RELL1: variants seen among roughly 807,000 people sequenced by gnomAD.
RELL1 encodes RELT-like protein 1.
A neutral mutation model predicts 23.0 loss-of-function variants in RELL1; 10 were observed. That is an observed-to-expected ratio of 0.43 (90% CI 0.27 to 0.74). The LOEUF (loss-of-function observed/expected upper bound fraction) is 0.74. RELL1 is among the 30% of genes least tolerant of loss of function. The pLI is 0.19. For missense variants in RELL1, 315 were observed against 364.4 expected (o/e 0.86, Z 1.10); for synonymous variants, 146 against 146.8 (o/e 0.99, Z 0.04).
downstream of RELL1, among the ~76,000 whole-genome samples, chr4:37,606,165 GAAA>G (rs897154343): frequency 7.4e-6 from 1 of 135,210 alleles, no homozygotes; most frequent in African/African-American, 2.7e-5. The surrounding 1 kb of genome is among the most constrained non-coding windows in gnomAD (Gnocchi z 4.1). Flanking sequence ...AGAAAAGAAA[GAAA>G]AAAAGGAGAA....
intron 5 of RELL1, among the ~76,000 whole-genome samples, chr4:37,633,408 CAAAAAAAAAAAAAA>C (rs57256942): frequency 1.6e-5 from 1 of 62,990 alleles, no homozygotes; most frequent in South Asian, 7.3e-4. Context: ...GACTCCACCT[CAAAAAAAAAAAAAA>C]AAAAAAAAAA....
chr4:37,623,008 T>C, intron 6 of RELL1: 1 of 358,064 alleles, frequency 2.8e-6, no homozygotes, highest in Non-Finnish European at 5.5e-6. Context: ...TTTCACCGTG[T>C]TGTCCAGGCT....
intron 1 of RELL1, among the ~76,000 whole-genome samples, chr4:37,680,931 CAAAAAAAAA>C: frequency 1.4e-5 from 1 of 73,634 alleles, no homozygotes; most frequent in East Asian, 4.9e-4. Context: ...CACTCCATCT[CAAAAAAAAA>C]AAAAAAAAAA....
At chr4:37,588,553 C>T (rs999232150), downstream of RELL1, 10 of 319,800 alleles carry the variant, frequency 3.1e-5, no homozygotes, top group Non-Finnish European at 5.3e-5. Flanking sequence ...AGCATCCTTC[C>T]ACCTTCTTCT....
intron 1 of RELL1, among the ~76,000 whole-genome samples, chr4:37,660,080 A>T (rs1438360439): frequency 6.6e-6 from 1 of 151,678 alleles, no homozygotes; most frequent in African/African-American, 2.4e-5. Flanking sequence ...ACCCATTTTT[A>T]TTTATTTATT....
chr4:37,609,473 T>C (rs1389199098), downstream of RELL1, among the ~76,000 whole-genome samples: 1 of 152,216 alleles, frequency 6.6e-6, no homozygotes, highest in Non-Finnish European at 1.5e-5. Flanking sequence ...CTGCAGCCCA[T>C]AGATTAATTC....
At chr4:37,660,995 C>G (rs1431901626) in intron 1 of RELL1, among the ~76,000 whole-genome samples, 23 of 151,212 alleles carry the variant, frequency 1.5e-4, no homozygotes, top group African/African-American at 4.6e-4. Context: ...TGTGCCACTG[C>G]ACTCCAGCCT....
At chr4:37,669,366 G>C (rs573285918) in intron 1 of RELL1, among the ~76,000 whole-genome samples, 2 of 146,672 alleles carry the variant, frequency 1.4e-5, no homozygotes, top group South Asian at 2.2e-4. Context: ...AGGTGGGGGG[G>C]TCAGTCCCCG....
intron 5 of RELL1, among the ~76,000 whole-genome samples, chr4:37,633,074 T>C (rs1332739900): frequency 4.6e-5 from 7 of 152,140 alleles, no homozygotes. Context: ...GCTCCTAGTA[T>C]CCAATATCCA....
chr4:37,622,237 T>C (rs1719792957), intron 6 of RELL1, among the ~76,000 whole-genome samples: 1 of 152,204 alleles, frequency 6.6e-6, no homozygotes, highest in African/African-American at 2.4e-5. Flanking sequence ...GTATCTATAC[T>C]CTCATTTGTA....
At position 37,610,904 on chromosome 4, in the gene RELL1, G is replaced by A. The variant is rs12142; in HGVS notation, c.*2442C>T. On this transcript the variant is annotated 3_prime_UTR_variant, in exon 7 of 7. Coordinates refer to ENST00000454158, the MANE Select transcript of RELL1 (RefSeq NM_001085400.2). The surrounding 1 kb of genome is among the most constrained non-coding windows in gnomAD (Gnocchi z 4.1). ...AAACATCAGTTGCTTTGGGAACACA[G>A]GAATTCTCATCAGATAGTTCAGTAT... Among the ~76,000 whole-genome samples the A allele has an allele frequency of 0.29, 44,371 of 152,076 alleles. 8,189 individuals are homozygous for A. Among genetic ancestry groups the A allele is most frequent in the Non-Finnish European group, 0.4 (27,348 of 67,962 alleles).
At chr4:37,623,994 TAAAAG>T (rs2109247811) in intron 6 of RELL1, among the ~76,000 whole-genome samples, 1 of 152,158 alleles carries the variant, frequency 6.6e-6, no homozygotes, top group East Asian at 1.9e-4. Context: ...GGAGAGTTAA[TAAAAG>T]AAAAGCAATT....
intron 6 of RELL1, among the ~76,000 whole-genome samples, chr4:37,592,208 CAA>C (rs34307749): frequency 0.023 from 2,130 of 93,292 alleles, 30 homozygotes; most frequent in African/African-American, 0.074. Context: ...GACTCCATCT[CAA>C]AAAAAAAAAA....
chr4:37,685,887 G>T (rs535482898), intron 1 of RELL1, among the ~76,000 whole-genome samples: 3 of 152,336 alleles, frequency 2.0e-5, no homozygotes, highest in Admixed American at 2.0e-4. Context: ...GAGCGGCCGT[G>T]GAGGAAGCGC....
At chr4:37,625,429 A>G (rs748327309) in intron 6 of RELL1, among the ~76,000 whole-genome samples, 6 of 152,244 alleles carry the variant, frequency 3.9e-5, no homozygotes, top group Non-Finnish European at 8.8e-5. Context: ...GATAACTTAT[A>G]AAATGGGAGA....
intron 1 of RELL1, among the ~76,000 whole-genome samples, chr4:37,684,294 G>T (rs983312509): frequency 2.0e-5 from 3 of 151,134 alleles, no homozygotes; most frequent in Admixed American, 2.0e-4. Context: ...GCAAATTTGT[G>T]CTCTGTATCC....
rs767403606 is a variant in RELL1 at position 37,649,301 on chromosome 4, G to A, written c.288C>T (p.Ile96=). Residue 96 remains isoleucine, a synonymous_variant, in exon 2 of 7, where the codon ATC becomes ATT. Coordinates refer to ENST00000454158, the MANE Select transcript of RELL1 (RefSeq NM_001085400.2). ...CTATCTTTTCAACCTTTTCCTCTTC[G>A]ATATCTTGCTCTGCTTCTGTTGTAC... The part of the protein sequence containing the change: ...YRCTTEAEQD[I]EEEKVEKIEL... The A allele has an allele frequency of 4.3e-6, 7 of 1,613,922 alleles. No homozygotes were observed. The highest frequency in any genetic ancestry group is 4.5e-5 in the East Asian group (2 of 44,902).
chr4:37,660,132 A>C (rs1721273409), intron 1 of RELL1, among the ~76,000 whole-genome samples: 1 of 151,952 alleles, frequency 6.6e-6, no homozygotes, highest in Admixed American at 6.6e-5. Context: ...GTATCTGAGA[A>C]GGGTCTATTT....
At chr4:37,686,111 G>A (rs1722400367) in intron 1 of RELL1, 89 bp downstream of exon 1, 4 of 1,119,050 alleles carry the variant, frequency 3.6e-6, no homozygotes, top group Admixed American at 4.3e-5. Context: ...GCAGGACGCC[G>A]CGGGGCTGCC....
Sources: allele counts gnomAD v4.1 joint callset (sites outside exome capture counted in the v4.1 genomes callset), GRCh38; gene constraint gnomAD v4.1.1; non-coding constraint Gnocchi (gnomAD v3.1); transcripts MANE v1.5; gene names NCBI Gene and HGNC (gene_info 2026-07-23, HGNC 2026-07-21).